Variants in ROBO2 observed in about 807,000 individuals in gnomAD.
ROBO2 encodes the protein roundabout homolog 2.
In ROBO2, 53 loss-of-function variants were observed where a neutral mutation model predicts 160.8. The ratio of observed to expected loss-of-function variants is 0.33; its 90% CI spans 0.26 to 0.41. The LOEUF is 0.41. Ranked by LOEUF, ROBO2 falls within the 10% of genes least tolerant of loss-of-function variation. ROBO2 has a pLI of 1.00. For synonymous variants in ROBO2, 664 were observed against 611.7 expected (o/e 1.09, Z -1.26); for missense variants, 1,577 against 1,722.4 (o/e 0.92, Z 1.49).
At chr3:76,014,488 C>T (rs1005252926) in intron 2 of ROBO2, among the ~76,000 whole-genome samples, 27 of 79,060 alleles carry the variant, frequency 3.4e-4, no homozygotes, top group Admixed American at 1.7e-3. Context: ...GTGGCTTATG[C>T]GTGTAATCCC....
At chr3:77,482,386 A>G (rs2084811684) in intron 4 of ROBO2, among the ~76,000 whole-genome samples, 2 of 152,066 alleles carry the variant, frequency 1.3e-5, no homozygotes, top group African/African-American at 2.4e-5. Context: ...TGGGAGTGCC[A>G]CTATAGAAGA....
intron 2 of ROBO2, among the ~76,000 whole-genome samples, chr3:76,486,945 A>G (rs926253481): frequency 3.9e-5 from 6 of 152,082 alleles, no homozygotes; most frequent in African/African-American, 7.2e-5. Context: ...AACTTTTGGA[A>G]TACCCAAGCC....
At chr3:77,562,338 C>A (rs1229514384) in intron 9 of ROBO2, among the ~76,000 whole-genome samples, 1 of 151,552 alleles carries the variant, frequency 6.6e-6, no homozygotes, top group African/African-American at 2.4e-5. Context: ...TAGAGCCCTG[C>A]CATAAAATGG....
intron 2 of ROBO2, among the ~76,000 whole-genome samples, chr3:77,144,322 T>A (rs2076953049): frequency 6.6e-6 from 1 of 152,210 alleles, no homozygotes; most frequent in Non-Finnish European, 1.5e-5. Flanking sequence ...GGCTTGCAAT[T>A]TGTCCCCCAT....
intron 2 of ROBO2, among the ~76,000 whole-genome samples, chr3:76,358,292 A>G (rs986354274): frequency 6.6e-6 from 1 of 151,958 alleles, no homozygotes; most frequent in Non-Finnish European, 1.5e-5. Flanking sequence ...CTTGTTTCTT[A>G]CCTGGTCTTC....
chr3:76,469,540 C>G (rs778252041), intron 2 of ROBO2, among the ~76,000 whole-genome samples: 1 of 152,048 alleles, frequency 6.6e-6, no homozygotes, highest in East Asian at 1.9e-4. Context: ...TGAGCCTTAA[C>G]GCATACTGTC....
At chr3:76,695,673 A>C (rs2092912254) in intron 2 of ROBO2, among the ~76,000 whole-genome samples, 1 of 152,140 alleles carries the variant, frequency 6.6e-6, no homozygotes. Flanking sequence ...TATTCCAAAA[A>C]CTTTAGATGT....
At chr3:77,203,558 A>C (rs762595965) in intron 2 of ROBO2, among the ~76,000 whole-genome samples, 47 of 152,356 alleles carry the variant, frequency 3.1e-4, no homozygotes, top group South Asian at 1.0e-3. Flanking sequence ...GTTTGAATAT[A>C]GTTTCTCTGT....
intron 4 of ROBO2, among the ~76,000 whole-genome samples, chr3:77,488,154 G>A (rs903451333): frequency 6.6e-6 from 1 of 152,146 alleles, no homozygotes; most frequent in Non-Finnish European, 1.5e-5. Context: ...GAACTAAATT[G>A]ACAGGGCTGA....
Position 76,025,904 on chromosome 3 carries a change from A to G in ROBO2, c.109+88302A>G, listed in dbSNP as rs74933390. ...TAATGATGGCCAAATCCATTTTTCC[A>G]GTCCAGAATTTCTACATGAGCTCTA... On this transcript the variant is annotated intron_variant, in intron 2 of 26. Coordinates refer to the ROBO2 transcript ENST00000487694. 5.5e-3 allele frequency among the ~76,000 whole-genome samples: 841 copies of G among 151,952 alleles called. 9 individuals are homozygous for G. Among genetic ancestry groups the G allele is most frequent in the African/African-American group, 0.02 (813 of 41,520 alleles).
intron 2 of ROBO2, among the ~76,000 whole-genome samples, chr3:76,873,298 T>C (rs1375221685): frequency 1.3e-5 from 2 of 152,180 alleles, no homozygotes; most frequent in Admixed American, 1.3e-4. Flanking sequence ...ATTTAAAGAC[T>C]TGTAAACCAT....
At chr3:77,377,441 A>T (rs1300185524) in intron 2 of ROBO2, among the ~76,000 whole-genome samples, 1 of 152,188 alleles carries the variant, frequency 6.6e-6, no homozygotes, top group Non-Finnish European at 1.5e-5. Context: ...TGTCCTTGAA[A>T]TTTTTATATA....
intron 2 of ROBO2, among the ~76,000 whole-genome samples, chr3:76,084,536 G>A (rs1467932444): frequency 6.6e-6 from 1 of 152,224 alleles, no homozygotes; most frequent in African/African-American, 2.4e-5. Flanking sequence ...CATAGATGCA[G>A]GAATTAAATC....
At chr3:76,273,631 CTCATGAGAACTCACTCACGA>C (rs1559708049) in intron 2 of ROBO2, among the ~76,000 whole-genome samples, 2 of 152,068 alleles carry the variant, frequency 1.3e-5, no homozygotes, top group South Asian at 2.1e-4. Context: ...ACCATCAGAT[CTCATGAGAACTCACTCACGA>C]TCATGAGAAC....
chr3:76,915,757 G>C (rs978137826), intron 2 of ROBO2, among the ~76,000 whole-genome samples: 1 of 151,746 alleles, frequency 6.6e-6, no homozygotes. Flanking sequence ...TTCTTGCTTA[G>C]AGCAAGGATC....
At chr3:76,318,030 T>C (rs1487543033) in intron 2 of ROBO2, among the ~76,000 whole-genome samples, 1 of 152,108 alleles carries the variant, frequency 6.6e-6, no homozygotes, top group Non-Finnish European at 1.5e-5. Flanking sequence ...ATATTTGTCA[T>C]TAATGTATGC....
At chr3:76,450,563 G>T (rs1362621510) in intron 2 of ROBO2, among the ~76,000 whole-genome samples, 1 of 152,100 alleles carries the variant, frequency 6.6e-6, no homozygotes, top group Non-Finnish European at 1.5e-5. Flanking sequence ...TGATGCTCCA[G>T]CCTCATCCTC....
intron 2 of ROBO2, among the ~76,000 whole-genome samples, chr3:77,193,417 A>T (rs1185617239): frequency 6.6e-6 from 1 of 151,748 alleles, no homozygotes; most frequent in Non-Finnish European, 1.5e-5. Context: ...AGTAGCTGGG[A>T]ATACAATAGT....
intron 2 of ROBO2, among the ~76,000 whole-genome samples, chr3:76,091,333 A>G (rs1377101333): frequency 1.3e-5 from 2 of 152,226 alleles, no homozygotes; most frequent in Non-Finnish European, 2.9e-5. Context: ...GCATATGAAA[A>G]TATATTCAGC....
Sources: allele counts gnomAD v4.1 joint callset (sites outside exome capture counted in the v4.1 genomes callset), GRCh38; gene constraint gnomAD v4.1.1; transcripts MANE v1.5; gene names NCBI Gene and HGNC (gene_info 2026-07-23, HGNC 2026-07-21).